NEK11: variants seen among roughly 807,000 people sequenced by gnomAD.
NEK11 encodes NIMA related kinase 11.
A neutral mutation model predicts 80.7 loss-of-function variants in NEK11; 72 were observed. That is an observed-to-expected ratio of 0.89 (90% CI 0.74 to 1.08). The LOEUF (loss-of-function observed/expected upper bound fraction) is 1.08, where lower values mean the gene tolerates loss of function less well. Among genes scored for constraint, NEK11 ranks in the 50% least tolerant of loss-of-function variants. The pLI, the probability that NEK11 is intolerant of heterozygous loss-of-function variation, is 0.00. For synonymous variants in NEK11, 251 were observed against 260.7 expected (o/e 0.96, Z 0.36); for missense variants, 764 against 763.6 (o/e 1.00, Z -0.01).
intron 16 of NEK11, among the ~76,000 whole-genome samples, chr3:131,266,130 A>G (rs2195252): frequency 0.79 from 120,352 of 152,010 alleles, 47,826 homozygotes; most frequent in African/African-American, 0.85. Context: ...TCTGGCTAGC[A>G]GTATATCTAT....
intron 17 of NEK11, chr3:131,328,558 T>C (rs1430859722): frequency 2.6e-5 from 4 of 152,200 alleles, no homozygotes; most frequent in African/African-American, 7.2e-5. Context: ...GTAGCCATTA[T>C]TGTAGCACTT....
At chr3:131,236,791 G>A (rs2095438522) in intron 15 of NEK11, among the ~76,000 whole-genome samples, 1 of 152,196 alleles carries the variant, frequency 6.6e-6, no homozygotes, top group South Asian at 2.1e-4. Flanking sequence ...CCCTCACAAA[G>A]GTGCCATCAG....
chr3:131,211,318 A>G (rs1412401823), intron 14 of NEK11, among the ~76,000 whole-genome samples: 1 of 152,146 alleles, frequency 6.6e-6, no homozygotes, highest in Non-Finnish European at 1.5e-5. Context: ...TGGCTTGTAG[A>G]GTTTCTGCTG....
chr3:131,034,747 G>A (rs2065385062), intron 3 of NEK11, among the ~76,000 whole-genome samples: 1 of 152,224 alleles, frequency 6.6e-6, no homozygotes, highest in Admixed American at 6.5e-5. Flanking sequence ...TGAAGCAGTA[G>A]GAGATAAGGC....
intron 17 of NEK11, among the ~76,000 whole-genome samples, chr3:131,296,869 T>A (rs1472651053): frequency 6.7e-6 from 1 of 149,308 alleles, no homozygotes; most frequent in Non-Finnish European, 1.5e-5. Flanking sequence ...TGTCCATGGG[T>A]TCTCATTGTT....
intron 5 of NEK11, among the ~76,000 whole-genome samples, chr3:131,114,543 G>GA (rs1309088359): frequency 6.6e-6 from 1 of 152,160 alleles, no homozygotes; most frequent in Non-Finnish European, 1.5e-5. Context: ...CTGGTGGAGG[G>GA]AAAAGCAAGA....
intron 17 of NEK11, among the ~76,000 whole-genome samples, chr3:131,278,685 A>G (rs1294820413): frequency 1.3e-5 from 2 of 152,172 alleles, no homozygotes; most frequent in African/African-American, 2.4e-5. Flanking sequence ...GAGGAGGGCA[A>G]GGGGCCACTG....
chr3:131,067,865 TA>T (rs1227262039), intron 3 of NEK11, among the ~76,000 whole-genome samples: 1 of 152,230 alleles, frequency 6.6e-6, no homozygotes, highest in East Asian at 1.9e-4. Flanking sequence ...GAATTTGGGT[TA>T]AAATGTAAGG....
At chr3:131,054,176 C>T (rs372110165) in intron 3 of NEK11, among the ~76,000 whole-genome samples, 2 of 152,118 alleles carry the variant, frequency 1.3e-5, no homozygotes, top group Non-Finnish European at 2.9e-5. Context: ...CATGGCAAAA[C>T]CCCATCTCTA....
chr3:131,053,992 A>G (rs899111396), intron 3 of NEK11, among the ~76,000 whole-genome samples: 4 of 152,246 alleles, frequency 2.6e-5, no homozygotes, highest in African/African-American at 9.6e-5. Context: ...TGTGGTGAAC[A>G]TCTTTCCAAG....
At chr3:131,075,245 G>A (rs2074152518) in intron 3 of NEK11, among the ~76,000 whole-genome samples, 1 of 152,150 alleles carries the variant, frequency 6.6e-6, no homozygotes. Context: ...AAAAAGCAGT[G>A]CATATTGTGG....
rs2096885693 is a variant in NEK11, at chr3:131,320,463, T to TAAAC, written c.1719-29094_1719-29093insAAAC. On this transcript the variant is annotated intron_variant, in intron 17 of 17. Coordinates refer to ENST00000383366, the MANE Select transcript of NEK11 (RefSeq NM_024800.5). ...TAGACTAATTAATACTAACAATGTG[T>TAAAC]TAAAAATCAAAACTATTATTAATGC... 2.0e-5 allele frequency among the ~76,000 whole-genome samples: 3 copies of TAAAC among 152,156 alleles called. No homozygotes were observed. In the South Asian group the frequency reaches 6.2e-4, roughly 32 times the overall value.
At chr3:131,071,195 C>A (rs1369759935) in intron 3 of NEK11, among the ~76,000 whole-genome samples, 2 of 152,048 alleles carry the variant, frequency 1.3e-5, no homozygotes, top group Non-Finnish European at 2.9e-5. Flanking sequence ...ATTCAGCTTC[C>A]AGATCAAAGC....
chr3:131,165,597 G>C lies in NEK11; in HGVS notation c.1176+78G>C, dbSNP rs1433138071. On this transcript the variant is annotated intron_variant, in intron 12 of 17. Transcript: ENST00000383366. ...TCATGGCGATGATTGGGTAGGAAAA[G>C]GGACAAGGGAGAAAACAAGAACATC... 3 of 831,836 alleles carry C rather than the reference G, an allele frequency of 3.6e-6. No homozygotes were observed. The African/African-American group carries it at 5.2e-5, about 14-fold the overall frequency. 51.5% of individuals were successfully genotyped at this position (831,836 alleles called of 1,614,324 possible). A position where few individuals can be genotyped will look rare whatever the true frequency, so the allele number is the denominator to read the frequency against.
chr3:131,049,834 A>G (rs1479882168), intron 3 of NEK11, among the ~76,000 whole-genome samples: 2 of 152,168 alleles, frequency 1.3e-5, no homozygotes, highest in African/African-American at 2.4e-5. Flanking sequence ...TTTAAACTAT[A>G]TATCTATGAA....
chr3:131,222,923 C>T (rs945951175), intron 14 of NEK11, among the ~76,000 whole-genome samples: 1 of 152,232 alleles, frequency 6.6e-6, no homozygotes, highest in Non-Finnish European at 1.5e-5. Context: ...TAAAGGCCAT[C>T]ATTTTCCTGG....
intron 6 of NEK11, 70 bp from the exon 7 acceptor site, chr3:131,133,760 C>A: frequency 8.0e-7 from 1 of 1,242,620 alleles, no homozygotes; most frequent in Non-Finnish European, 1.2e-6. Context: ...GGCACTCATT[C>A]AGTTGTTAAT....
chr3:131,179,974 A>G, intron 14 of NEK11, among the ~76,000 whole-genome samples: 1 of 152,220 alleles, frequency 6.6e-6, no homozygotes, highest in Non-Finnish European at 1.5e-5. Flanking sequence ...CAAGGGATTT[A>G]TAGCTCATTC....
intron 3 of NEK11, among the ~76,000 whole-genome samples, chr3:131,047,365 C>T (rs1026654893): frequency 6.6e-6 from 1 of 152,036 alleles, no homozygotes; most frequent in Non-Finnish European, 1.5e-5. Context: ...TTCGTATTAC[C>T]AGGATTGTTT....
Sources: gnomAD v4.1 joint callset for allele counts (sites outside exome capture counted in the v4.1 genomes callset) on GRCh38, gnomAD v4.1.1 for gene constraint, MANE v1.5 for transcripts, NCBI Gene and HGNC (gene_info 2026-07-23, HGNC 2026-07-21) for gene names.